The following NOS1 variants were observed in gnomAD, a reference collection of about 807,000 sequenced individuals.
NOS1 encodes the protein nitric oxide synthase 1.
A neutral mutation model predicts 164.5 loss-of-function variants in NOS1; 51 were observed. The ratio of observed to expected loss-of-function variants is 0.31; its 90% CI spans 0.25 to 0.39. NOS1 has a LOEUF of 0.39. Among genes scored for constraint, NOS1 ranks in the 10% least tolerant of loss-of-function variants. NOS1 has a pLI of 1.00. For missense variants in NOS1, 1,362 were observed against 1,885.6 expected (o/e 0.72, Z 5.14); for synonymous variants, 719 against 745.8 (o/e 0.96, Z 0.59).
intron 1 of NOS1, among the ~76,000 whole-genome samples, chr12:117,336,326 T>C (rs1875818653): frequency 6.6e-6 from 1 of 152,190 alleles, no homozygotes; most frequent in South Asian, 2.1e-4. Context: ...CCACCAAGCC[T>C]ATCTAGTCTA....
At chr12:117,231,497 T>C (rs1869229490) in intron 22 of NOS1, among the ~76,000 whole-genome samples, 1 of 152,118 alleles carries the variant, frequency 6.6e-6, no homozygotes, top group Non-Finnish European at 1.5e-5. Flanking sequence ...ATGTGATTAT[T>C]ACACATTGTA....
In NOS1 at chr12:117,222,917, G is replaced by A. The variant is rs371194786; in HGVS notation, c.3827-54C>T. The stretch of plus-strand genomic sequence containing the variant: ...GATGGCTCTCTGCCTGATGTGCAGG[G>A]TGGCTGAGGTGCCAGGGATGGGGTA... On this transcript the variant is annotated intron_variant, in intron 25 of 28. Transcript: ENST00000317775. The A allele has an allele frequency of 1.7e-5, 27 of 1,580,686 alleles. No individual in the cohort carries two copies. The African/African-American group carries it at 3.0e-4, about 17-fold the overall frequency.
chr12:117,344,672 T>C (rs1000495532), intron 1 of NOS1, among the ~76,000 whole-genome samples: 4 of 152,222 alleles, frequency 2.6e-5, no homozygotes, highest in African/African-American at 7.2e-5. Flanking sequence ...AATTGAAAGT[T>C]GAAAGAGATG....
At chr12:117,300,971 T>C (rs146767869) in intron 3 of NOS1, among the ~76,000 whole-genome samples, 254 of 152,346 alleles carry the variant, frequency 1.7e-3, no homozygotes, top group African/African-American at 5.6e-3. Context: ...CATCTGTGCA[T>C]GAGTCTATGA....
At chr12:117,335,479 T>C (rs986672816) in intron 1 of NOS1, among the ~76,000 whole-genome samples, 1 of 152,166 alleles carries the variant, frequency 6.6e-6, no homozygotes, top group African/African-American at 2.4e-5. Context: ...TTTACCTTGC[T>C]GTGAGGAAAT....
At chr12:117,253,166 A>G (rs1566040859) in intron 17 of NOS1, among the ~76,000 whole-genome samples, 1 of 152,172 alleles carries the variant, frequency 6.6e-6, no homozygotes, top group East Asian at 1.9e-4. Context: ...TTCTAGATCA[A>G]TTCCATCGGA....
chr12:117,347,305 A>G (rs571570529), intron 1 of NOS1, among the ~76,000 whole-genome samples: 31 of 152,046 alleles, frequency 2.0e-4, no homozygotes, highest in Non-Finnish European at 4.0e-4. Flanking sequence ...AGGAAAAAAA[A>G]AAAAAGAAAA....
intron 16 of NOS1, among the ~76,000 whole-genome samples, chr12:117,254,828 G>A (rs1259980379): frequency 1.3e-5 from 2 of 152,176 alleles, no homozygotes; most frequent in East Asian, 3.9e-4. Flanking sequence ...TCTCTAGAAA[G>A]TTCTTCTGGA....
chr12:117,359,574 T>C (rs532946268), intron 1 of NOS1, among the ~76,000 whole-genome samples: 3 of 152,102 alleles, frequency 2.0e-5, no homozygotes, highest in South Asian at 2.1e-4. Flanking sequence ...ATGAGGCGCC[T>C]ATGGGCGCGC....
intron 3 of NOS1, among the ~76,000 whole-genome samples, chr12:117,297,273 C>A (rs766311178): frequency 6.6e-6 from 1 of 152,130 alleles, no homozygotes; most frequent in Non-Finnish European, 1.5e-5. Context: ...GCTGCAGGGG[C>A]AGCAGGACTG....
chr12:117,255,302 C>A (rs1871353635), intron 16 of NOS1, among the ~76,000 whole-genome samples: 1 of 151,732 alleles, frequency 6.6e-6, no homozygotes. Flanking sequence ...AATCTGAGAC[C>A]AAACAAACAA....
intron 7 of NOS1, among the ~76,000 whole-genome samples, chr12:117,281,249 C>A (rs4767528): frequency 0.78 from 119,033 of 151,988 alleles, 46,645 homozygotes; most frequent in East Asian, 0.85. Flanking sequence ...ACGCCGGGCG[C>A]GGTGGCTCAT....
chr12:117,225,339 G>C (rs1486638287), intron 24 of NOS1, among the ~76,000 whole-genome samples: 1 of 152,254 alleles, frequency 6.6e-6, no homozygotes, highest in African/African-American at 2.4e-5. Flanking sequence ...TCAAGTTCTG[G>C]CTATTTCTCC....
intron 16 of NOS1, among the ~76,000 whole-genome samples, chr12:117,256,950 T>C (rs1455208461): frequency 6.6e-6 from 1 of 152,112 alleles, no homozygotes; most frequent in Admixed American, 6.5e-5. Context: ...TGTGTGCCTG[T>C]AATCCCACCT....
In NOS1 at chr12:117,234,422, T is replaced by C; in HGVS notation, c.3235+143A>G. On this transcript the variant is annotated intron_variant, in intron 21 of 28. Transcript: ENST00000317775. This position sits in a 1 kb window ranked among gnomAD's most constrained non-coding sequence, Gnocchi z 4.3. ...GTTGATCAGTCATGAGAAAGGGGGA[T>C]ATCTTTAGTCTCATAGGCTGTTAGC... is the stretch of plus-strand genomic sequence containing the variant. 1.3e-6 allele frequency: 1 copy of C among 786,204 alleles called. No homozygotes were observed. The highest frequency in any genetic ancestry group is 2.0e-6 in the Non-Finnish European group (1 of 510,442). The allele number at this position is 786,204 out of a possible 1,614,324, so 48.7% of individuals were successfully genotyped here.
intron 24 of NOS1, among the ~76,000 whole-genome samples, chr12:117,225,666 C>T (rs921588017): frequency 1.6e-4 from 24 of 151,948 alleles, no homozygotes; most frequent in African/African-American, 4.8e-5. Context: ...CTCACTCTGT[C>T]ACCCAGGCTG....
intron 16 of NOS1, among the ~76,000 whole-genome samples, 169 bp downstream of exon 16, chr12:117,258,228 A>G (rs997006765): frequency 2.6e-5 from 4 of 152,240 alleles, no homozygotes; most frequent in African/African-American, 9.6e-5. Flanking sequence ...CCCAGATACC[A>G]AAATATTTGC....
At chr12:117,313,238 A>G (rs1411402458) in intron 2 of NOS1, among the ~76,000 whole-genome samples, 1 of 152,166 alleles carries the variant, frequency 6.6e-6, no homozygotes, top group African/African-American at 2.4e-5. Context: ...TGACTAAGTC[A>G]CTAGCCTAAG....
In NOS1 at chr12:117,234,569, A is replaced by C. The variant is rs1869538572; in HGVS notation, c.3231T>G (p.Ala1077=). 3 of 1,612,718 alleles carry C rather than the reference A, an allele frequency of 1.9e-6. No individual in the cohort carries two copies. In the Admixed American group the frequency reaches 5.0e-5, roughly 27 times the overall value. The change falls in exon 21 of 29, where the codon GCT becomes GCG. Residue 1077 remains alanine, a synonymous_variant. Transcript: ENST00000317775. This position sits in a 1 kb window ranked among gnomAD's most constrained non-coding sequence, Gnocchi z 4.3. ...AAGGGTCCCCGGGAATGTTACCTAA[A>C]GCCGTGTTCCGCTCCTCCAGCAGTT... ...KVELLEERNT[A]LGVISNWTDE... is the part of the protein sequence containing the mutation.
Sources: allele counts gnomAD v4.1 joint callset (sites outside exome capture counted in the v4.1 genomes callset), GRCh38; gene constraint gnomAD v4.1.1; non-coding constraint Gnocchi (gnomAD v3.1); transcripts MANE v1.5; gene names NCBI Gene and HGNC (gene_info 2026-07-23, HGNC 2026-07-21).